Variants in NENF observed in about 807,000 individuals in gnomAD.
NENF encodes neudesin.
NENF carries 6 observed loss-of-function variants against 14.8 expected under a neutral mutation model. The observed-to-expected ratio is 0.40, with a 90% CI of 0.22 to 0.80. NENF has a LOEUF of 0.80. Ranked by LOEUF, NENF falls within the 30% of genes least tolerant of loss-of-function variation. The probability of loss-of-function intolerance (pLI) is 0.34; values close to 1 mark genes in which losing one functional copy is unlikely to be tolerated. For synonymous variants in NENF, 76 were observed against 95.1 expected (o/e 0.80, Z 1.17); for missense variants, 184 against 212.7 (o/e 0.87, Z 0.84).
intron 1 of NENF, among the ~76,000 whole-genome samples, chr1:212,435,276 C>T (rs1056419701): frequency 2.6e-5 from 4 of 152,234 alleles, no homozygotes; most frequent in Non-Finnish European, 5.9e-5. Flanking sequence ...TATATCTATA[C>T]AGTTGATCCT....
In NENF at chr1:212,444,322, C is replaced by T; in HGVS notation, c.239-17C>T. ...TGTAAACCCACGCTTACGTCTCTTCCTTCCTTCCCACTACAGAGTTTTATG... is the reference window on the plus strand; with the variant it reads ...TGTAAACCCACGCTTACGTCTCTTCTTTCCTTCCCACTACAGAGTTTTATG... On this transcript the variant is annotated splice_polypyrimidine_tract_variant and intron_variant, in intron 2 of 3. Transcript: ENST00000366988. 2 of 1,555,728 alleles carry T rather than the reference C, an allele frequency of 1.3e-6. 1 individual carries two copies. Among genetic ancestry groups the T allele is most frequent in the Middle Eastern group, 3.5e-4 (2 of 5,726 alleles).
chr1:212,444,518 CGTGTGTGTGTGTGTGT>C lies in NENF; in HGVS notation c.342+111_342+126del, dbSNP rs57220444. 1,100 of 497,490 alleles carry C rather than the reference CGTGTGTGTGTGTGTGT, an allele frequency of 2.2e-3. 3 individuals are homozygous for C. Among genetic ancestry groups the C allele is most frequent in the Non-Finnish European group, 2.8e-3 (866 of 310,164 alleles). 30.8% of individuals were successfully genotyped at this position (497,490 alleles called of 1,614,324 possible). On this transcript the variant is annotated intron_variant, in intron 3 of 3. Transcript: ENST00000366988. ...CTTTTTCTCTTTTTCTTTTTCTTTT[CGTGTGTGTGTGTGTGT>C]GTGTGTGTGTGTGTGTGTGTGTGTG...
intron 1 of NENF, among the ~76,000 whole-genome samples, chr1:212,438,797 A>C (rs977952274): frequency 6.6e-6 from 1 of 151,964 alleles, no homozygotes; most frequent in Non-Finnish European, 1.5e-5. Context: ...TTGTATTTTT[A>C]GTAGAGACAG....
At chr1:212,437,006 A>T (rs1050521090) in intron 1 of NENF, among the ~76,000 whole-genome samples, 1 of 152,078 alleles carries the variant, frequency 6.6e-6, no homozygotes, top group Non-Finnish European at 1.5e-5. Flanking sequence ...TGGTGTGCAC[A>T]GGCTTAGCGT....
chr1:212,438,616 T>TG (rs1662645679), intron 1 of NENF, among the ~76,000 whole-genome samples: 2 of 148,930 alleles, frequency 1.3e-5, no homozygotes, highest in African/African-American at 4.9e-5. Context: ...TGTGTGTCTG[T>TG]ATTTTTTTTT....
At chr1:212,435,161 T>G (rs1298663000) in intron 1 of NENF, 2 of 152,224 alleles carry the variant, frequency 1.3e-5, no homozygotes, top group Non-Finnish European at 2.9e-5. Context: ...CCTGTTCTGC[T>G]GTGTGATTTG....
intron 1 of NENF, among the ~76,000 whole-genome samples, chr1:212,436,362 G>A (rs1207008873): frequency 6.8e-6 from 1 of 147,476 alleles, no homozygotes; most frequent in Non-Finnish European, 1.5e-5. Context: ...CCAGGCTGGA[G>A]TGCAGTGGTG....
chr1:212,436,307 C>CTTTTT (rs71573839), intron 1 of NENF, among the ~76,000 whole-genome samples: 3 of 112,642 alleles, frequency 2.7e-5, no homozygotes, highest in Non-Finnish European at 3.6e-5. Flanking sequence ...GCCCATGGGT[C>CTTTTT]TTTTTTTTTT....
chr1:212,440,420 G>A (rs1662683499), intron 1 of NENF, among the ~76,000 whole-genome samples: 1 of 147,466 alleles, frequency 6.8e-6, no homozygotes, highest in African/African-American at 2.4e-5. Context: ...AGGAAACCTG[G>A]TAAAGGAAAG....
intron 1 of NENF, 78 bp from the exon 2 acceptor site, chr1:212,442,487 T>C: frequency 9.0e-7 from 1 of 1,106,318 alleles, no homozygotes; most frequent in East Asian, 2.4e-5. Context: ...CAGCTTGTGA[T>C]GGGAGAAGAT....
chr1:212,444,667 T>C (rs906224540), intron 3 of NENF, among the ~76,000 whole-genome samples: 1 of 152,018 alleles, frequency 6.6e-6, no homozygotes, highest in African/African-American at 2.4e-5. Flanking sequence ...TCCTACCATG[T>C]CATCTCGACT....
rs1369545207 is a variant in NENF, at chr1:212,433,584, TC to T, written c.177+466del. On this transcript the variant is annotated intron_variant, in intron 1 of 3. Transcript: ENST00000366988. The surrounding 1 kb of genome is among the most constrained non-coding windows in gnomAD (Gnocchi z 5.5). ...GGATAAGCCAGTCTTTGCCTGCACT[TC>T]CTTTTCCTGCCCCTGTATCCCAGGC... Among the ~76,000 whole-genome samples the T allele has an allele frequency of 1.3e-5, 2 of 151,974 alleles. No individual in the cohort carries two copies. The highest frequency in any genetic ancestry group is 2.9e-5 in the Non-Finnish European group (2 of 67,974).
intron 2 of NENF, among the ~76,000 whole-genome samples, chr1:212,444,138 C>T (rs1269016717): frequency 6.6e-6 from 1 of 152,204 alleles, no homozygotes; most frequent in Non-Finnish European, 1.5e-5. Context: ...GTGTGACTTA[C>T]TTCACATTTA....
At chr1:212,441,449 A>G (rs925810544) in intron 1 of NENF, among the ~76,000 whole-genome samples, 11 of 152,216 alleles carry the variant, frequency 7.2e-5, no homozygotes, top group African/African-American at 2.7e-4. Context: ...CCCAAAATAG[A>G]AAGCTAGCTA....
At position 212,433,665 on chromosome 1, in the gene NENF, C is replaced by T. The variant is rs114534742; in HGVS notation, c.177+545C>T. ...TAGGTCATGTACCCCTGGGGCTCAG[C>T]CAAAGCTGGAAGTGAGCGCAGAGGG... On this transcript the variant is annotated intron_variant, in intron 1 of 3. Transcript: ENST00000366988. This position sits in a 1 kb window ranked among gnomAD's most constrained non-coding sequence, Gnocchi z 5.5. Among the ~76,000 whole-genome samples the T allele has an allele frequency of 7.2e-3, 1,089 of 152,142 alleles. 7 individuals are homozygous for T. The highest frequency in any genetic ancestry group is 0.014 in the Middle Eastern group (4 of 294).
At chr1:212,436,307 CTTTTTTTTTT>C (rs71573839) in intron 1 of NENF, among the ~76,000 whole-genome samples, 1 of 112,646 alleles carries the variant, frequency 8.9e-6, no homozygotes, top group Non-Finnish European at 1.8e-5. Context: ...GCCCATGGGT[CTTTTTTTTTT>C]TTTTTTTTTT....
Position 212,433,205 on chromosome 1 carries a change from GC to G in NENF, c.177+88del. 2.2e-6 allele frequency: 2 copies of G among 915,712 alleles called. No homozygotes were observed. The highest frequency in any genetic ancestry group is 2.7e-6 in the Non-Finnish European group (2 of 728,142). The allele number at this position is 915,712 out of a possible 1,614,324, so 56.7% of individuals were successfully genotyped here. A position where few individuals can be genotyped will look rare whatever the true frequency, so the allele number is the denominator to read the frequency against. On this transcript the variant is annotated intron_variant, in intron 1 of 3. Coordinates refer to ENST00000366988, the MANE Select transcript of NENF (RefSeq NM_013349.5). This position sits in a 1 kb window ranked among gnomAD's most constrained non-coding sequence, Gnocchi z 5.5. ...AGCGGGGACCCAGGAGGCGCCGGCG[GC>G]CCAGGAAGCTCTGGGGGACGCGCGG...
At chr1:212,434,990 A>T (rs1183415534) in intron 1 of NENF, 3 of 152,484 alleles carry the variant, frequency 2.0e-5, no homozygotes, top group African/African-American at 4.8e-5. Flanking sequence ...GAGGGACGAG[A>T]GAGGCAGTTG....
Position 212,444,371 on chromosome 1 carries a change from T to A in NENF, c.271T>A (p.Leu91Met). The part of the protein sequence containing the change: ...FYGRGAPYNA[L>M]TGKDSTRGVA... ...TGGACGAGGAGCCCCCTACAATGCC[T>A]TGACGGGGAAGGACTCCACTAGAGG... Residue 91 changes from leucine (L) to methionine (M), a missense_variant, in exon 3 of 4, where the codon TTG becomes ATG. Leu to Met is a conservative substitution (Grantham distance 15, BLOSUM62 2). Transcript: ENST00000366988. 1 of 1,607,554 alleles carries A rather than the reference T, an allele frequency of 6.2e-7. No homozygotes were observed. The highest frequency in any genetic ancestry group is 1.1e-5 in the South Asian group (1 of 89,942).
Sources: allele counts gnomAD v4.1 joint callset (sites outside exome capture counted in the v4.1 genomes callset), GRCh38; gene constraint gnomAD v4.1.1; non-coding constraint Gnocchi (gnomAD v3.1); transcripts MANE v1.5; gene names NCBI Gene and HGNC (gene_info 2026-07-23, HGNC 2026-07-21).